Variants in EXPH5 observed in about 807,000 individuals in gnomAD.
The protein encoded by EXPH5 is exophilin-5.
EXPH5 carries 42 observed loss-of-function variants against 41.1 expected under a neutral mutation model. That is an observed-to-expected ratio of 1.02 (90% CI 0.80 to 1.32). The LOEUF is 1.32. Among genes scored for constraint, EXPH5 ranks in the 40% most tolerant of loss-of-function variants. The pLI is 0.00. For missense variants in EXPH5, 2,298 were observed against 2,314.5 expected (o/e 0.99, Z 0.15); for synonymous variants, 798 against 833.5 (o/e 0.96, Z 0.73).
chr11:108,533,576 A>G (rs1270684325), intron 3 of EXPH5, among the ~76,000 whole-genome samples: 2 of 151,946 alleles, frequency 1.3e-5, no homozygotes, highest in Non-Finnish European at 2.9e-5. Context: ...TTAGGCCACC[A>G]TTATCTCAGC....
chr11:108,556,614 A>C (rs78208897), intron 1 of EXPH5, among the ~76,000 whole-genome samples: 14,314 of 152,116 alleles, frequency 0.094, 718 homozygotes, highest in Middle Eastern at 0.11. Flanking sequence ...CTGGGATTAC[A>C]GTAGGCATGC....
chr11:108,588,168 G>A (rs1319820113), intron 1 of EXPH5, among the ~76,000 whole-genome samples: 1 of 152,210 alleles, frequency 6.6e-6, no homozygotes, highest in Non-Finnish European at 1.5e-5. Context: ...CTTCCTTATA[G>A]AATGCATATA....
At chr11:108,586,039 A>G (rs4754329) in intron 1 of EXPH5, among the ~76,000 whole-genome samples, 8,846 of 152,226 alleles carry the variant, frequency 0.058, 697 homozygotes, top group African/African-American at 0.17. Context: ...CCCAGGTTGA[A>G]GTGATTCTCC....
the EXPH5 span, among the ~76,000 whole-genome samples, chr11:108,604,114 T>C: frequency 6.6e-6 from 1 of 150,988 alleles, no homozygotes; most frequent in African/African-American, 2.4e-5. Context: ...AAGGGCTGAA[T>C]AGGCCGGGTG....
intron 1 of EXPH5, among the ~76,000 whole-genome samples, chr11:108,549,596 T>G (rs1053688720): frequency 1.3e-5 from 2 of 152,214 alleles, no homozygotes; most frequent in Admixed American, 1.3e-4. Flanking sequence ...CAGTAAATGA[T>G]AGCTGTCCAT....
the EXPH5 span, among the ~76,000 whole-genome samples, chr11:108,603,201 G>T: frequency 1.3e-5 from 2 of 152,168 alleles, no homozygotes; most frequent in Non-Finnish European, 2.9e-5. Context: ...CCAGTCTCAG[G>T]TAGTTCTTTA....
intron 2 of EXPH5, among the ~76,000 whole-genome samples, 173 bp downstream of exon 2, chr11:108,541,479 T>A (rs557661582): frequency 6.6e-6 from 1 of 152,280 alleles, no homozygotes; most frequent in Non-Finnish European, 1.5e-5. Flanking sequence ...ACAGTAAAAT[T>A]TCAGTTCACT....
the EXPH5 span, among the ~76,000 whole-genome samples, chr11:108,606,365 C>T: frequency 6.6e-6 from 1 of 152,140 alleles, no homozygotes; most frequent in Non-Finnish European, 1.5e-5. Flanking sequence ...CTTCTGCTCC[C>T]CAATCTCCAC....
chr11:108,551,221 C>T (rs1268680785), intron 1 of EXPH5, among the ~76,000 whole-genome samples: 1 of 152,162 alleles, frequency 6.6e-6, no homozygotes, highest in African/African-American at 2.4e-5. Context: ...TTCTCCTAAC[C>T]GTGTATCTCA....
chr11:108,559,619 A>G (rs967401078), intron 1 of EXPH5, among the ~76,000 whole-genome samples: 7 of 152,244 alleles, frequency 4.6e-5, no homozygotes, highest in African/African-American at 1.7e-4. Context: ...AGGTAACAAG[A>G]TAGAATGGTA....
chr11:108,541,763 C>G lies in EXPH5; in HGVS notation c.169G>C (p.Gly57Arg). ...RDIRWLQGVT[G>R]EWFEEIQRKK... ...CTTTGAATTTCTTCAAACCATTCAC[C>G]AGTCACTCCCTGAAGCCATCTGATA... The change falls in exon 2 of 6, where the codon GGT becomes CGT. Residue 57 changes from glycine (G) to arginine (R), a missense_variant. Coordinates refer to ENST00000265843, the MANE Select transcript of EXPH5 (RefSeq NM_015065.3). 6.2e-7 allele frequency: 1 copy of G among 1,612,690 alleles called. No individual in the cohort carries two copies. Among genetic ancestry groups the G allele is most frequent in the Non-Finnish European group, 8.5e-7 (1 of 1,179,234 alleles).
intron 1 of EXPH5, among the ~76,000 whole-genome samples, chr11:108,561,585 G>T (rs181933842): frequency 9.9e-5 from 15 of 152,194 alleles, no homozygotes; most frequent in Admixed American, 8.5e-4. Context: ...TGCCTCGTGG[G>T]ATCCAACATT....
chr11:108,575,013 C>T (rs2094075209), intron 1 of EXPH5, among the ~76,000 whole-genome samples: 2 of 152,112 alleles, frequency 1.3e-5, no homozygotes, highest in African/African-American at 2.4e-5. Flanking sequence ...AAAAATGTAC[C>T]CCCGATTTGT....
At position 108,512,593 on chromosome 11, in the gene EXPH5, C is replaced by T; in HGVS notation, c.2914G>A (p.Gly972Arg). The T allele has an allele frequency of 6.2e-7, 1 of 1,611,508 alleles. No individual in the cohort carries two copies. Among genetic ancestry groups the T allele is most frequent in the Non-Finnish European group, 8.5e-7 (1 of 1,179,438 alleles). ...HSHSPFRNER[G>R]KGKIRHHISC... is the part of the protein sequence containing the mutation. ...ATATGATGCCTTATTTTTCCTTTTC[C>T]TCTTTCATTCCTAAAAGGAGAGTGT... is the stretch of plus-strand genomic sequence containing the variant. Residue 972 changes from glycine (G) to arginine (R), a missense_variant, in exon 6 of 6, where the codon GGA (glycine) becomes AGA (arginine). Gly to Arg is a moderately radical substitution (Grantham distance 125, BLOSUM62 -2). Transcript: ENST00000265843.
At position 108,513,635 on chromosome 11, in the gene EXPH5, T is replaced by G. The variant is rs141503200; in HGVS notation, c.1872A>C (p.Ala624=). 2.5e-6 allele frequency: 4 copies of G among 1,612,800 alleles called. No individual in the cohort carries two copies. The highest frequency in any genetic ancestry group is 2.7e-5 in the African/African-American group (2 of 74,976). Residue 624 remains alanine (A), a synonymous_variant, in exon 6 of 6, where the codon GCA becomes GCC. Coordinates refer to ENST00000265843, the MANE Select transcript of EXPH5 (RefSeq NM_015065.3). ...ASSFGIAQTL[A]SSFKTSFSQI... ...GGGAAAAGGAAGTTTTGAATGAGGA[T>G]GCTAGAGTCTGAGCAATTCCAAATG...
At chr11:108,602,734 A>G in the EXPH5 span, among the ~76,000 whole-genome samples, 2 of 152,252 alleles carry the variant, frequency 1.3e-5, no homozygotes, top group Non-Finnish European at 2.9e-5. Flanking sequence ...TTTAACATAA[A>G]GCAGATTATA....
chr11:108,519,970 A>T (rs2093754674), intron 4 of EXPH5, among the ~76,000 whole-genome samples: 2 of 150,874 alleles, frequency 1.3e-5, no homozygotes, highest in South Asian at 4.2e-4. Flanking sequence ...AAAAAAAAAA[A>T]AAAAAAATTG....
intron 1 of EXPH5, among the ~76,000 whole-genome samples, chr11:108,579,536 A>C (rs977233479): frequency 6.6e-6 from 1 of 150,780 alleles, no homozygotes; most frequent in East Asian, 1.9e-4. Context: ...TTAGTTTGGA[A>C]GTAAAAAAAA....
At chr11:108,606,387 CT>C in the EXPH5 span, among the ~76,000 whole-genome samples, 1 of 152,212 alleles carries the variant, frequency 6.6e-6, no homozygotes, top group Non-Finnish European at 1.5e-5. Context: ...CCACTTATCT[CT>C]TTCTTACCCA....
Sources: allele counts gnomAD v4.1 joint callset (sites outside exome capture counted in the v4.1 genomes callset), GRCh38; gene constraint gnomAD v4.1.1; transcripts MANE v1.5; gene names NCBI Gene and HGNC (gene_info 2026-07-23, HGNC 2026-07-21).